GSK3B: variants seen among roughly 807,000 people sequenced by gnomAD.
GSK3B encodes the protein glycogen synthase kinase-3 beta.
GSK3B carries 15 observed loss-of-function variants against 56.4 expected under a neutral mutation model. The observed-to-expected ratio is 0.27, with a 90% CI of 0.18 to 0.41. The LOEUF (loss-of-function observed/expected upper bound fraction) is 0.41, where lower values mean the gene tolerates loss of function less well. Among genes scored for constraint, GSK3B ranks in the 10% least tolerant of loss-of-function variants. The pLI is 1.00. For missense variants in GSK3B, 300 were observed against 513.4 expected, an observed-to-expected ratio of 0.58 and a Z score of 4.02; for synonymous variants, 181 against 188.9, an observed-to-expected ratio of 0.96 and a Z score of 0.34.
intron 7 of GSK3B, among the ~76,000 whole-genome samples, chr3:119,887,162 T>C (rs963095324): frequency 6.6e-6 from 1 of 152,126 alleles, no homozygotes; most frequent in Non-Finnish European, 1.5e-5. Flanking sequence ...ATATACTTAA[T>C]AGAATGCCAT....
At chr3:119,908,628 C>A (rs533517718) in intron 6 of GSK3B, among the ~76,000 whole-genome samples, 1 of 152,274 alleles carries the variant, frequency 6.6e-6, no homozygotes, top group African/African-American at 2.4e-5. Flanking sequence ...CACAGCCATA[C>A]TAAGACTCTG....
intron 7 of GSK3B, among the ~76,000 whole-genome samples, chr3:119,897,887 T>G (rs2056585525): frequency 6.6e-6 from 1 of 151,526 alleles, no homozygotes; most frequent in African/African-American, 2.4e-5. Context: ...ACATGGGCAC[T>G]GAACAAACTA....
chr3:119,886,585 C>T (rs978085166), intron 7 of GSK3B, among the ~76,000 whole-genome samples: 2 of 152,020 alleles, frequency 1.3e-5, no homozygotes, highest in African/African-American at 2.4e-5. Context: ...ATGTTCACCA[C>T]AGCATTCTTC....
chr3:119,937,767 T>A (rs1311204829), intron 3 of GSK3B, among the ~76,000 whole-genome samples: 1 of 151,032 alleles, frequency 6.6e-6, no homozygotes, highest in East Asian at 1.9e-4. Context: ...ATAAGAAATA[T>A]ATGAATAGAG....
At position 119,841,461 on chromosome 3, in the gene GSK3B, C is replaced by A. The variant is rs573480861; in HGVS notation, c.1195+1794G>T. On this transcript the variant is annotated intron_variant, in intron 10 of 10. Coordinates refer to ENST00000264235, the MANE Select transcript of GSK3B (RefSeq NM_001146156.2). ...TAAATGTGTTAGTTCAGAGTTAGGG[C>A]CTTTTTCATGTTGTGAACAATTAAC... 4.9e-4 allele frequency among the ~76,000 whole-genome samples: 75 copies of A among 152,226 alleles called. 1 individual carries two copies. The Middle Eastern group carries it at 0.054, about 110-fold the overall frequency.
chr3:119,989,248 C>T (rs1021675190), intron 2 of GSK3B, among the ~76,000 whole-genome samples: 1 of 152,120 alleles, frequency 6.6e-6, no homozygotes, highest in Non-Finnish European at 1.5e-5. Context: ...GTACCTGTTA[C>T]AGGAATCAAC....
chr3:119,875,763 T>A (rs1254051856), intron 8 of GSK3B, among the ~76,000 whole-genome samples: 14 of 152,176 alleles, frequency 9.2e-5, no homozygotes, highest in African/African-American at 3.4e-4. Context: ...TCTTTTAAAA[T>A]CATTCCAATT....
At chr3:120,004,112 C>T (rs1292559898) in intron 1 of GSK3B, among the ~76,000 whole-genome samples, 5 of 152,352 alleles carry the variant, frequency 3.3e-5, no homozygotes, top group African/African-American at 4.8e-5. Context: ...CCTGACTCGG[C>T]GGGTCCCACG....
At chr3:119,860,563 C>T (rs931474523) in intron 9 of GSK3B, among the ~76,000 whole-genome samples, 2 of 152,182 alleles carry the variant, frequency 1.3e-5, no homozygotes, top group African/African-American at 4.8e-5. Flanking sequence ...ATACTAATTA[C>T]TGTTTATGGC....
At chr3:119,842,112 C>T (rs1317610141) in intron 10 of GSK3B, among the ~76,000 whole-genome samples, 2 of 152,108 alleles carry the variant, frequency 1.3e-5, no homozygotes, top group Admixed American at 6.6e-5. Context: ...AAATTCTGAG[C>T]CCTTAACTGT....
intron 9 of GSK3B, among the ~76,000 whole-genome samples, chr3:119,845,190 C>A (rs570548645): frequency 6.6e-6 from 1 of 152,262 alleles, no homozygotes; most frequent in South Asian, 2.1e-4. Flanking sequence ...TTATGACAAA[C>A]CCACAGCCAA....
intron 1 of GSK3B, among the ~76,000 whole-genome samples, chr3:120,010,809 T>C (rs6774693): frequency 0.21 from 32,527 of 152,164 alleles, 3,751 homozygotes; most frequent in African/African-American, 0.3. Flanking sequence ...AGTTCACACC[T>C]GTAATCCCAG....
At position 119,823,374 on chromosome 3, in the gene GSK3B, G is replaced by A. The variant is rs934115114; in HGVS notation, c.*3414C>T. ...ACAACAGTCCTCTATTGGCACGGTG[G>A]CACTCCGTGCAGTAACTGCTAGTAA... On this transcript the variant is annotated 3_prime_UTR_variant, in exon 11 of 11. Coordinates refer to ENST00000264235, the MANE Select transcript of GSK3B (RefSeq NM_001146156.2). 6 of 201,896 alleles carry A rather than the reference G, an allele frequency of 3.0e-5. No individual in the cohort carries two copies. The highest frequency in any genetic ancestry group is 5.1e-5 in the Non-Finnish European group (5 of 98,242). The allele number at this position is 201,896 out of a possible 1,614,324, so 12.5% of individuals were successfully genotyped here.
intron 2 of GSK3B, among the ~76,000 whole-genome samples, chr3:119,981,961 T>C (rs143151507): frequency 2.6e-3 from 398 of 152,190 alleles, no homozygotes; most frequent in African/African-American, 8.5e-3. Context: ...AGACACCTCA[T>C]ATAGGCAGCT....
chr3:119,985,634 G>C (rs533194518), intron 2 of GSK3B, among the ~76,000 whole-genome samples: 4 of 152,266 alleles, frequency 2.6e-5, no homozygotes, highest in African/African-American at 9.6e-5. Flanking sequence ...CAAAGAATGT[G>C]AAGGACCTCT....
At chr3:119,954,300 AATAG>A (rs1559851388) in intron 2 of GSK3B, among the ~76,000 whole-genome samples, 69 of 113,586 alleles carry the variant, frequency 6.1e-4, no homozygotes, top group African/African-American at 2.2e-3. Flanking sequence ...AATAGAATAG[AATAG>A]AAAAGAAACA....
chr3:119,912,998 C>T (rs1241664590), intron 5 of GSK3B, among the ~76,000 whole-genome samples, 188 bp from the exon 6 acceptor site: 1 of 152,060 alleles, frequency 6.6e-6, no homozygotes, highest in Non-Finnish European at 1.5e-5. Flanking sequence ...TATCACCTTG[C>T]TCTGCAAAAA....
intron 1 of GSK3B, among the ~76,000 whole-genome samples, chr3:120,061,413 T>C (rs911502737): frequency 1.3e-5 from 2 of 152,236 alleles, no homozygotes; most frequent in African/African-American, 4.8e-5. Context: ...ACACTGCACA[T>C]ACTCCTTTGC....
chr3:119,910,248 A>C (rs13319559), intron 6 of GSK3B, among the ~76,000 whole-genome samples: 2,776 of 152,284 alleles, frequency 0.018, 92 homozygotes, highest in African/African-American at 0.064. Flanking sequence ...GGTATACCTT[A>C]AATTCTAAAA....
Sources: allele counts gnomAD v4.1 joint callset (sites outside exome capture counted in the v4.1 genomes callset), GRCh38; gene constraint gnomAD v4.1.1; transcripts MANE v1.5; gene names NCBI Gene and HGNC (gene_info 2026-07-23, HGNC 2026-07-21).